Variants in GALNT13 observed in about 807,000 individuals in gnomAD.
The protein encoded by GALNT13 is polypeptide N-acetylgalactosaminyltransferase 13.
In GALNT13, 28 loss-of-function variants were observed where a neutral mutation model predicts 64.2. That is an observed-to-expected ratio of 0.44 (90% CI 0.32 to 0.60). GALNT13 has a LOEUF of 0.60. Among genes scored for constraint, GALNT13 ranks in the 20% least tolerant of loss-of-function variants. The pLI is 0.05. For synonymous variants in GALNT13, 214 were observed against 224.6 expected (o/e 0.95, Z 0.42); for missense variants, 577 against 669.8 (o/e 0.86, Z 1.53).
the GALNT13 span, among the ~76,000 whole-genome samples, chr2:153,186,458 A>G: frequency 6.6e-6 from 1 of 151,954 alleles, no homozygotes; most frequent in Non-Finnish European, 1.5e-5. Context: ...TGCTTATTTA[A>G]GCTTAGTATG....
intron 4 of GALNT13, among the ~76,000 whole-genome samples, chr2:154,233,023 G>C (rs942466065): frequency 2.3e-5 from 3 of 132,332 alleles, no homozygotes; most frequent in African/African-American, 8.8e-5. Flanking sequence ...ATGGGTGACA[G>C]AGTGACCCTG....
intron 9 of GALNT13, among the ~76,000 whole-genome samples, chr2:154,383,749 A>G (rs1698383520): frequency 6.6e-6 from 1 of 151,970 alleles, no homozygotes; most frequent in African/African-American, 2.4e-5. Flanking sequence ...CCGATTTTTC[A>G]TAAACTTATT....
At chr2:154,091,408 A>G (rs1354897149) in intron 3 of GALNT13, among the ~76,000 whole-genome samples, 1 of 151,998 alleles carries the variant, frequency 6.6e-6, no homozygotes, top group Admixed American at 6.6e-5. Context: ...ATTGATTATG[A>G]TGGCTAAAAA....
chr2:153,564,144 G>A, the GALNT13 span, among the ~76,000 whole-genome samples: 94 of 152,136 alleles, frequency 6.2e-4, no homozygotes, highest in African/African-American at 2.2e-3. Flanking sequence ...CTCAGAAGTT[G>A]ATGGGCTATT....
At chr2:153,477,973 G>C in the GALNT13 span, 1 of 503,716 alleles carries the variant, frequency 2.0e-6, no homozygotes. Flanking sequence ...GTAAGTAGCA[G>C]CTTCCAAAGT....
At chr2:153,588,289 G>A in the GALNT13 span, among the ~76,000 whole-genome samples, 3 of 150,382 alleles carry the variant, frequency 2.0e-5, no homozygotes, top group Non-Finnish European at 4.5e-5. Flanking sequence ...AATACTCTGT[G>A]TGGGGTCTCT....
chr2:153,244,099 A>T, the GALNT13 span, among the ~76,000 whole-genome samples: 1 of 142,516 alleles, frequency 7.0e-6, no homozygotes, highest in Non-Finnish European at 1.5e-5. Context: ...TTTAAAGTAA[A>T]CTCCACAAAA....
chr2:154,306,622 G>GT (rs1042960943), intron 9 of GALNT13, among the ~76,000 whole-genome samples: 4 of 150,008 alleles, frequency 2.7e-5, no homozygotes, highest in Non-Finnish European at 1.5e-5. Flanking sequence ...ATTTGGTGGG[G>GT]GGGGGGTCAA....
chr2:153,253,925 T>C, the GALNT13 span, among the ~76,000 whole-genome samples: 2 of 152,302 alleles, frequency 1.3e-5, no homozygotes, highest in East Asian at 3.9e-4. Flanking sequence ...TGGTCTAAAA[T>C]TGTCTTTTTT....
chr2:153,206,468 T>C, the GALNT13 span, among the ~76,000 whole-genome samples: 4 of 152,118 alleles, frequency 2.6e-5, no homozygotes, highest in Non-Finnish European at 5.9e-5. Context: ...GCAGTACATG[T>C]GATATTTTGA....
intron 3 of GALNT13, among the ~76,000 whole-genome samples, chr2:154,000,158 A>G (rs11689769): frequency 0.39 from 59,214 of 151,176 alleles, 14,613 homozygotes; most frequent in Non-Finnish European, 0.55. Flanking sequence ...AATTATGTGT[A>G]TTGGTTATAG....
At chr2:153,784,537 G>A in the GALNT13 span, among the ~76,000 whole-genome samples, 1 of 152,206 alleles carries the variant, frequency 6.6e-6, no homozygotes. Flanking sequence ...AACAACTACA[G>A]ATTGATGCAT....
chr2:154,231,846 A>T (rs911118278), intron 4 of GALNT13, among the ~76,000 whole-genome samples: 2 of 151,052 alleles, frequency 1.3e-5, no homozygotes, highest in Admixed American at 6.6e-5. Context: ...TTTTGTATAG[A>T]TTTTTAAAAA....
chr2:153,330,254 A>G, the GALNT13 span, among the ~76,000 whole-genome samples: 1 of 152,212 alleles, frequency 6.6e-6, no homozygotes, highest in South Asian at 2.1e-4. Context: ...TGCTTTGGCT[A>G]TTTGGGCTCT....
At chr2:153,516,887 TG>T in the GALNT13 span, among the ~76,000 whole-genome samples, 4 of 152,040 alleles carry the variant, frequency 2.6e-5, no homozygotes, top group Admixed American at 2.0e-4. Flanking sequence ...AGTATTCAAG[TG>T]CTCTCTTATC....
At chr2:154,264,997 G>A (rs1690913092) in intron 8 of GALNT13, among the ~76,000 whole-genome samples, 2 of 150,552 alleles carry the variant, frequency 1.3e-5, no homozygotes, top group Non-Finnish European at 1.5e-5. Context: ...ATATGGAAAA[G>A]CAATGAAACC....
At chr2:153,718,625 C>T in the GALNT13 span, among the ~76,000 whole-genome samples, 3 of 152,078 alleles carry the variant, frequency 2.0e-5, no homozygotes, top group East Asian at 3.9e-4. Flanking sequence ...ATTCTTCTAA[C>T]GCAGTGACAT....
intron 3 of GALNT13, among the ~76,000 whole-genome samples, chr2:154,123,893 G>A (rs1682104549): frequency 6.6e-6 from 1 of 152,054 alleles, no homozygotes; most frequent in Non-Finnish European, 1.5e-5. Flanking sequence ...GGAGCACAAG[G>A]ATTCCTTTAG....
Position 154,358,551 on chromosome 2 carries a change from C to T in GALNT13, c.1157-37440C>T, listed in dbSNP as rs138188651. Among the ~76,000 whole-genome samples, 4 of 152,116 alleles carry T rather than the reference C, an allele frequency of 2.6e-5. No individual in the cohort carries two copies. The East Asian group carries it at 5.8e-4, about 22-fold the overall frequency. On this transcript the variant is annotated intron_variant, in intron 9 of 12. Transcript: ENST00000392825. ...TTGAAGTTTCTATGTAATATAATAA[C>T]TTCTAAAATGGGAGGTTTATACAAT...
Sources: allele counts gnomAD v4.1 joint callset (sites outside exome capture counted in the v4.1 genomes callset), GRCh38; gene constraint gnomAD v4.1.1; transcripts MANE v1.5; gene names NCBI Gene and HGNC (gene_info 2026-07-23, HGNC 2026-07-21).